STK40: variants seen among roughly 807,000 people sequenced by gnomAD.
STK40 encodes the protein serine/threonine kinase 40.
In STK40, 13 loss-of-function variants were observed where a neutral mutation model predicts 47.9. The observed-to-expected ratio is 0.27, with a 90% confidence interval of 0.18 to 0.43. The LOEUF (loss-of-function observed/expected upper bound fraction) is 0.43. Ranked by LOEUF, STK40 falls within the 20% of genes least tolerant of loss-of-function variation. The pLI, the probability that STK40 is intolerant of heterozygous loss-of-function variation, is 1.00. For missense variants in STK40, 460 were observed against 595.1 expected (o/e 0.77, Z 2.36); for synonymous variants, 225 against 243.2 (o/e 0.93, Z 0.69).
At chr1:36,352,647 C>T (rs1429513720) in intron 6 of STK40, among the ~76,000 whole-genome samples, 3 of 152,216 alleles carry the variant, frequency 2.0e-5, no homozygotes, top group African/African-American at 7.2e-5. Context: ...CCCTGCAGAG[C>T]ATAGCAGGGC....
rs964379851 is a variant in STK40, at chr1:36,377,556, A to T, written c.-9+8167T>A. 4.4e-4 allele frequency among the ~76,000 whole-genome samples: 66 copies of T among 150,898 alleles called. 1 individual carries two copies. The East Asian group carries it at 0.011, about 25-fold the overall frequency. On this transcript the variant is annotated intron_variant, in intron 1 of 10. Transcript: ENST00000373132. ...TCAAAAAAAAAAAAAAAAAAAAAAA[A>T]AGTAGTAGTGGAATCAGGGGAGGCT...
Position 36,345,991 on chromosome 1 carries a change from A to ATATATATATTTTTT in STK40, c.740-1728_740-1727insAAAAAATATATATA. Reference sequence around the variant, plus strand: ...TACATATATATATATATATATATATATTTTTTTTTTTTTTTTTTCCTGAGA... The same window carrying ATATATATATTTTTT: ...TACATATATATATATATATATATATATATATATATTTTTTTTTTTTTTTTTTTTTTTTCCTGAGA... On this transcript the variant is annotated intron_variant, in intron 7 of 10. Transcript: ENST00000373132. Among the ~76,000 whole-genome samples, 38 of 26,466 alleles carry ATATATATATTTTTT rather than the reference A, an allele frequency of 1.4e-3. 1 individual carries two copies. Among genetic ancestry groups the ATATATATATTTTTT allele is most frequent in the Non-Finnish European group, 2.3e-3 (33 of 14,428 alleles). 17.4% of individuals were successfully genotyped at this position (26,466 alleles called of 152,430 possible). A position where few individuals can be genotyped will look rare whatever the true frequency, so the allele number is the denominator to read the frequency against.
chr1:36,371,791 T>G (rs1570462082), intron 1 of STK40, among the ~76,000 whole-genome samples: 1 of 147,338 alleles, frequency 6.8e-6, no homozygotes, highest in African/African-American at 2.5e-5. Context: ...AGGTCAGGAG[T>G]TCGAGACCAG....
At chr1:36,344,896 G>A (rs1163998340) in intron 7 of STK40, among the ~76,000 whole-genome samples, 4 of 152,226 alleles carry the variant, frequency 2.6e-5, no homozygotes, top group African/African-American at 9.6e-5. Context: ...CGGAGCACCC[G>A]CTTTAGGACA....
At chr1:36,367,509 G>A (rs1387054184) in intron 1 of STK40, among the ~76,000 whole-genome samples, 5 of 152,180 alleles carry the variant, frequency 3.3e-5, no homozygotes, top group Non-Finnish European at 7.3e-5. Flanking sequence ...TCCCAGCAAG[G>A]CAGTGAAAGC....
At chr1:36,342,174 C>G (rs1646655331) in intron 10 of STK40, 2 of 595,826 alleles carry the variant, frequency 3.4e-6, no homozygotes, top group Non-Finnish European at 6.0e-6. Context: ...CTCAACTCCC[C>G]TTGCAGGCCG....
At position 36,355,530 on chromosome 1, in the gene STK40, G is replaced by A. The variant is rs1646796221; in HGVS notation, c.343-97C>T. The A allele has an allele frequency of 8.4e-6, 11 of 1,306,880 alleles. No individual in the cohort carries two copies. The Admixed American group carries it at 1.5e-4, about 18-fold the overall frequency. The allele number at this position is 1,306,880 out of a possible 1,614,324, so 81.0% of individuals were successfully genotyped here. A position where few individuals can be genotyped will look rare whatever the true frequency, so the allele number is the denominator to read the frequency against. On this transcript the variant is annotated intron_variant, in intron 4 of 10. Coordinates refer to ENST00000373132, the MANE Select transcript of STK40 (RefSeq NM_001282547.2). ...CCTCTGGAGTGGGACACTCAAACCA[G>A]TGAGGGAGCCTGGAATTAGCCTGCA... is the stretch of plus-strand genomic sequence containing the variant.
chr1:36,344,475 C>A (rs981557558), intron 7 of STK40, among the ~76,000 whole-genome samples: 14 of 152,240 alleles, frequency 9.2e-5, no homozygotes, highest in African/African-American at 2.9e-4. Context: ...CACCTGCTCA[C>A]AGCACCTGCC....
At chr1:36,348,283 GA>G (rs1475512429) in intron 7 of STK40, among the ~76,000 whole-genome samples, 2 of 152,234 alleles carry the variant, frequency 1.3e-5, no homozygotes, top group Non-Finnish European at 2.9e-5. Context: ...GCTTCCCCTT[GA>G]ACCAGGCTCA....
At chr1:36,363,111 C>T (rs565629821) in intron 1 of STK40, among the ~76,000 whole-genome samples, 6 of 152,066 alleles carry the variant, frequency 3.9e-5, no homozygotes, top group African/African-American at 1.2e-4. Flanking sequence ...GCTGAGATCA[C>T]GCCACTGCAC....
chr1:36,345,858 G>A (rs1646694402), intron 7 of STK40, among the ~76,000 whole-genome samples: 1 of 150,846 alleles, frequency 6.6e-6, no homozygotes, highest in Non-Finnish European at 1.5e-5. Flanking sequence ...CTCGCTGGGA[G>A]CCTGACCTGG....
At position 36,341,748 on chromosome 1, in the gene STK40, G is replaced by A; in HGVS notation, c.*7C>T. Reference sequence around the variant, plus strand: ...GGCAGCAGTGCTGGTGGCCCCGGCTGAGGCTGTTATTTCCGCAGGTAGCGC... The same window carrying A: ...GGCAGCAGTGCTGGTGGCCCCGGCTAAGGCTGTTATTTCCGCAGGTAGCGC... On this transcript the variant is annotated 3_prime_UTR_variant, in exon 11 of 11. Coordinates refer to ENST00000373132, the MANE Select transcript of STK40 (RefSeq NM_001282547.2). The A allele has an allele frequency of 1.9e-6, 3 of 1,609,662 alleles. 1 individual carries two copies. The highest frequency in any genetic ancestry group is 1.3e-5 in the African/African-American group (1 of 74,976).
chr1:36,364,651 T>TA (rs892879756), intron 1 of STK40, among the ~76,000 whole-genome samples: 3 of 151,882 alleles, frequency 2.0e-5, no homozygotes, highest in Non-Finnish European at 2.9e-5. Flanking sequence ...TTTTTTTAAT[T>TA]AAAAAAATAA....
intron 7 of STK40, among the ~76,000 whole-genome samples, chr1:36,345,983 A>ATTTTTT (rs1242799312): frequency 1.0e-4 from 1 of 9,720 alleles, no homozygotes; most frequent in Non-Finnish European, 4.0e-4. Flanking sequence ...ATATATATAT[A>ATTTTTT]TATATATATT....
Position 36,341,927 on chromosome 1 carries a change from A to T in STK40, c.1136T>A (p.Met379Lys). 6.2e-7 allele frequency: 1 copy of T among 1,614,046 alleles called. No homozygotes were observed. The highest frequency in any genetic ancestry group is 8.5e-7 in the Non-Finnish European group (1 of 1,179,962). The stretch of plus-strand genomic sequence containing the variant: ...CTCGGCCAGCAGCAGCTGCTGACGC[A>T]TGTAGTTCTCAAACTCGTACTGGGA... ...ECSQYEFENY[M>K]RQQLLLAEEK... Residue 379 changes from methionine (M) to lysine (K), a missense_variant, in exon 11 of 11, where the codon ATG becomes AAG. Physicochemically the swap from Met to Lys is moderately conservative, Grantham distance 95. Coordinates refer to ENST00000373132, the MANE Select transcript of STK40 (RefSeq NM_001282547.2).
intron 1 of STK40, among the ~76,000 whole-genome samples, chr1:36,376,294 G>C (rs576579252): frequency 1.3e-5 from 2 of 152,280 alleles, no homozygotes; most frequent in South Asian, 4.1e-4. Context: ...TTACCTGTCT[G>C]CTTATATGTA....
chr1:36,359,158 A>T (rs189212655), intron 2 of STK40, among the ~76,000 whole-genome samples: 2 of 152,282 alleles, frequency 1.3e-5, no homozygotes, highest in East Asian at 3.9e-4. Flanking sequence ...TGTAATCCCA[A>T]CACTTTGGGA....
At chr1:36,366,558 A>G (rs951524244) in intron 1 of STK40, among the ~76,000 whole-genome samples, 2 of 151,932 alleles carry the variant, frequency 1.3e-5, no homozygotes, top group Admixed American at 1.3e-4. Flanking sequence ...CCATCCTCCA[A>G]TCATCTGGCT....
intron 4 of STK40, 115 bp downstream of exon 4, chr1:36,358,124 T>A: frequency 7.5e-7 from 1 of 1,325,410 alleles, no homozygotes. Flanking sequence ...GTACCTAGCA[T>A]GGCAGGGACA....
Sources: allele counts gnomAD v4.1 joint callset (sites outside exome capture counted in the v4.1 genomes callset), GRCh38; gene constraint gnomAD v4.1.1; transcripts MANE v1.5; gene names NCBI Gene and HGNC (gene_info 2026-07-23, HGNC 2026-07-21).